DNAH11: variants seen among roughly 807,000 people sequenced by gnomAD.
The protein encoded by DNAH11 is dynein axonemal heavy chain 11.
In DNAH11, 442 loss-of-function variants were observed where a neutral mutation model predicts 526.0. The ratio of observed to expected loss-of-function variants is 0.84; its 90% CI spans 0.78 to 0.91. The LOEUF is 0.91. DNAH11 is among the 40% of genes least tolerant of loss of function. The pLI, the probability that DNAH11 is intolerant of heterozygous loss-of-function variation, is 0.00. For synonymous variants in DNAH11, 2,461 were observed against 1,935.9 expected, an observed-to-expected ratio of 1.27 and a Z score of -7.12; for missense variants, 6,989 against 5,448.7, an observed-to-expected ratio of 1.28 and a Z score of -8.90.
intron 66 of DNAH11, among the ~76,000 whole-genome samples, chr7:21,848,288 AC>A (rs1236956509): frequency 6.6e-6 from 1 of 151,610 alleles, no homozygotes; most frequent in East Asian, 1.9e-4. Flanking sequence ...TAATATAGCC[AC>A]CCCAGCTTTC....
chr7:21,863,672 T>A (rs185945817), intron 69 of DNAH11, among the ~76,000 whole-genome samples: 1 of 152,328 alleles, frequency 6.6e-6, no homozygotes, highest in East Asian at 1.9e-4. Flanking sequence ...ATACATGACA[T>A]GAACATCTAT....
Position 21,744,859 on chromosome 7 carries a change from T to C in DNAH11, c.8317-11T>C. ...TTGACATGCCATATTTTTCTCTTTC[T>C]CATCCTGCAGGGTATAGATAGTCAC... On this transcript the variant is annotated splice_polypyrimidine_tract_variant and intron_variant, in intron 50 of 81. Transcript: ENST00000409508. 1.3e-6 allele frequency: 2 copies of C among 1,598,962 alleles called. No individual in the cohort carries two copies. Among genetic ancestry groups the C allele is most frequent in the South Asian group, 2.3e-5 (2 of 87,442 alleles).
intron 54 of DNAH11, among the ~76,000 whole-genome samples, chr7:21,754,561 A>G (rs943478217): frequency 2.7e-5 from 4 of 148,362 alleles, no homozygotes; most frequent in Non-Finnish European, 6.0e-5. Context: ...GATGTGGATA[A>G]TTTCCCCCCC....
intron 60 of DNAH11, among the ~76,000 whole-genome samples, chr7:21,788,856 A>T (rs1788309846): frequency 1.3e-5 from 2 of 152,228 alleles, no homozygotes; most frequent in Admixed American, 6.5e-5. Flanking sequence ...TTAATATCTT[A>T]ATGGTGTTTG....
At chr7:21,623,752 G>C (rs1786193919) in intron 25 of DNAH11, among the ~76,000 whole-genome samples, 1 of 151,574 alleles carries the variant, frequency 6.6e-6, no homozygotes, top group Admixed American at 6.6e-5. Flanking sequence ...ACACATAGGT[G>C]GGAATGGAAC....
chr7:21,868,752 C>T, intron 72 of DNAH11, 112 bp from the exon 73 acceptor site: 1 of 1,362,334 alleles, frequency 7.3e-7, no homozygotes. Flanking sequence ...TCAGGAAAGT[C>T]ACTCAGAAGA....
intron 62 of DNAH11, among the ~76,000 whole-genome samples, chr7:21,806,546 T>C (rs1167245388): frequency 6.6e-6 from 1 of 152,192 alleles, no homozygotes; most frequent in Non-Finnish European, 1.5e-5. Context: ...GGGTTGTAGA[T>C]ATTAAGATAG....
chr7:21,850,587 A>G (rs1460736883), intron 66 of DNAH11, among the ~76,000 whole-genome samples: 2 of 128,320 alleles, frequency 1.6e-5, no homozygotes, highest in African/African-American at 5.8e-5. Flanking sequence ...TCTTGTCCTG[A>G]GGTTTGCGTT....
At chr7:21,865,947 C>G (rs574725472) in intron 70 of DNAH11, among the ~76,000 whole-genome samples, 1 of 152,284 alleles carries the variant, frequency 6.6e-6, no homozygotes, top group South Asian at 2.1e-4. Context: ...GGCACTGGTG[C>G]AGTGTAGCAG....
chr7:21,667,165 C>T (rs1408863993), intron 30 of DNAH11, among the ~76,000 whole-genome samples: 1 of 152,062 alleles, frequency 6.6e-6, no homozygotes, highest in East Asian at 1.9e-4. Flanking sequence ...ATAACTGTAG[C>T]AGCTTCTCTC....
At chr7:21,700,901 T>A (rs541420237) in intron 36 of DNAH11, among the ~76,000 whole-genome samples, 5 of 151,650 alleles carry the variant, frequency 3.3e-5, no homozygotes, top group African/African-American at 1.2e-4. Context: ...TAAGTAGGAG[T>A]TGAACAGTGA....
In DNAH11 at chr7:21,783,526, C is replaced by T. The variant is rs142547512; in HGVS notation, c.9484-901C>T. Among the ~76,000 whole-genome samples the T allele has an allele frequency of 4.7e-3, 714 of 152,270 alleles. 6 individuals carry two copies. The highest frequency in any genetic ancestry group is 0.017 in the African/African-American group (692 of 41,548). ...GAACCGTCTCCCATGGTGGCTAGATCCTGGTGCCCAGTGCCACAGCTTTGA... is the reference window on the plus strand; with the variant it reads ...GAACCGTCTCCCATGGTGGCTAGATTCTGGTGCCCAGTGCCACAGCTTTGA... On this transcript the variant is annotated intron_variant, in intron 57 of 81. Transcript: ENST00000409508.
At chr7:21,699,150 A>G (rs180837827) in intron 36 of DNAH11, among the ~76,000 whole-genome samples, 1 of 152,228 alleles carries the variant, frequency 6.6e-6, no homozygotes, top group Admixed American at 6.5e-5. Context: ...GATAAGGCTA[A>G]TTTTCTGAAG....
chr7:21,635,689 T>G (rs977628432), intron 25 of DNAH11, among the ~76,000 whole-genome samples, 182 bp from the exon 26 acceptor site: 11 of 152,150 alleles, frequency 7.2e-5, no homozygotes, highest in Non-Finnish European at 1.3e-4. Flanking sequence ...TTAATATAAA[T>G]ATTTACTACC....
chr7:21,699,333 T>C (rs1783972622), intron 36 of DNAH11, among the ~76,000 whole-genome samples: 1 of 152,192 alleles, frequency 6.6e-6, no homozygotes, highest in African/African-American at 2.4e-5. Context: ...TGAAGATCTA[T>C]TGAAGTTGCT....
chr7:21,780,556 T>C (rs1157606478), intron 57 of DNAH11, among the ~76,000 whole-genome samples: 1 of 152,036 alleles, frequency 6.6e-6, no homozygotes, highest in African/African-American at 2.4e-5. Flanking sequence ...TTTTGGAAAC[T>C]TAAAATATAA....
chr7:21,748,255 G>A (rs564187282), intron 51 of DNAH11, among the ~76,000 whole-genome samples: 34 of 152,226 alleles, frequency 2.2e-4, no homozygotes, highest in Non-Finnish European at 3.1e-4. Flanking sequence ...AGGCCAAGGC[G>A]GGTGGATCAC....
chr7:21,635,672 A>G (rs533894690), intron 25 of DNAH11, among the ~76,000 whole-genome samples, 199 bp from the exon 26 acceptor site: 407 of 152,144 alleles, frequency 2.7e-3, no homozygotes, highest in African/African-American at 9.5e-3. Flanking sequence ...TTCTTTTTGG[A>G]AAAATGTTAA....
chr7:21,586,687 C>A (rs1045647100), intron 9 of DNAH11, among the ~76,000 whole-genome samples: 2 of 152,210 alleles, frequency 1.3e-5, no homozygotes, highest in Admixed American at 1.3e-4. Flanking sequence ...AAAGCCCCCT[C>A]CTTTGCCATA....
Sources: allele counts gnomAD v4.1 joint callset (sites outside exome capture counted in the v4.1 genomes callset), GRCh38; gene constraint gnomAD v4.1.1; transcripts MANE v1.5; gene names NCBI Gene and HGNC (gene_info 2026-07-23, HGNC 2026-07-21).